The following ATF7 variants were observed in gnomAD, a reference collection of about 807,000 sequenced individuals.
The protein encoded by ATF7 is cyclic AMP-dependent transcription factor ATF-7.
A neutral mutation model predicts 50.4 loss-of-function variants in ATF7; 10 were observed. The ratio of observed to expected loss-of-function variants is 0.20; its 90% CI spans 0.12 to 0.34. The LOEUF is 0.34. ATF7 is among the 10% of genes least tolerant of loss of function. The pLI is 1.00. For synonymous variants in ATF7, 201 were observed against 226.4 expected, an observed-to-expected ratio of 0.89 and a Z score of 1.01; for missense variants, 465 against 613.9, an observed-to-expected ratio of 0.76 and a Z score of 2.56.
chr12:53,620,309 G>C (rs1300306913), intron 1 of ATF7, among the ~76,000 whole-genome samples: 4 of 152,048 alleles, frequency 2.6e-5, no homozygotes, highest in Non-Finnish European at 5.9e-5. Flanking sequence ...GGGCGCGGTG[G>C]CTCACGCCTG....
At chr12:53,613,622 G>A (rs1207980300) in intron 1 of ATF7, among the ~76,000 whole-genome samples, 1 of 152,062 alleles carries the variant, frequency 6.6e-6, no homozygotes, top group Non-Finnish European at 1.5e-5. Flanking sequence ...CCTGGCTCAA[G>A]TGATCCTCCT....
In ATF7 at chr12:53,543,068, C is replaced by T. The variant is rs1193713723; in HGVS notation, c.264+262G>A. 3 of 1,323,518 alleles carry T rather than the reference C, an allele frequency of 2.3e-6. No individual in the cohort carries two copies. The African/African-American group carries it at 4.5e-5, about 20-fold the overall frequency. 82.0% of individuals were successfully genotyped at this position (1,323,518 alleles called of 1,614,324 possible). ...TATAATATAAATATTTTTTAAAAAACCGATTATTAAACTAATACTCCCCTG... is the reference window on the plus strand; with the variant it reads ...TATAATATAAATATTTTTTAAAAAATCGATTATTAAACTAATACTCCCCTG... On this transcript the variant is annotated intron_variant, in intron 4 of 11. Coordinates refer to ENST00000420353, the MANE Select transcript of ATF7 (RefSeq NM_006856.3).
At chr12:53,595,931 C>G (rs1219614005) in intron 2 of ATF7, among the ~76,000 whole-genome samples, 1 of 151,852 alleles carries the variant, frequency 6.6e-6, no homozygotes, top group Non-Finnish European at 1.5e-5. Flanking sequence ...GTAGATCTCT[C>G]CAGGCAAAAA....
At chr12:53,532,908 A>G (rs532051729) in intron 7 of ATF7, among the ~76,000 whole-genome samples, 31 of 152,302 alleles carry the variant, frequency 2.0e-4, no homozygotes, top group African/African-American at 6.3e-4. Flanking sequence ...GTGCCAAGTG[A>G]AAGCAACTAA....
chr12:53,594,819 T>C (rs1270113192), intron 2 of ATF7, among the ~76,000 whole-genome samples: 1 of 144,326 alleles, frequency 6.9e-6, no homozygotes, highest in Non-Finnish European at 1.5e-5. Flanking sequence ...ACCTGGGAGG[T>C]AGAGGTTGCA....
intron 1 of ATF7, among the ~76,000 whole-genome samples, chr12:53,601,741 G>T (rs1445605958): frequency 6.6e-6 from 1 of 152,170 alleles, no homozygotes; most frequent in Non-Finnish European, 1.5e-5. Context: ...GGGTTTACTG[G>T]GTGAACATGT....
chr12:53,612,951 C>A (rs1429847659), intron 1 of ATF7, among the ~76,000 whole-genome samples: 1 of 152,090 alleles, frequency 6.6e-6, no homozygotes, highest in Non-Finnish European at 1.5e-5. Context: ...TTGCAGTGAG[C>A]CAACCTCACA....
intron 2 of ATF7, among the ~76,000 whole-genome samples, chr12:53,562,142 T>A (rs1193769102): frequency 6.6e-6 from 1 of 152,192 alleles, no homozygotes; most frequent in East Asian, 1.9e-4. Flanking sequence ...AGCAGAGATA[T>A]TATTTGATAG....
chr12:53,545,235 G>T lies in ATF7; in HGVS notation c.146-1787C>A, dbSNP rs117088695. 6.0e-4 allele frequency among the ~76,000 whole-genome samples: 92 copies of T among 152,146 alleles called. No homozygotes were observed. In the East Asian group the frequency reaches 0.016, roughly 27 times the overall value. On this transcript the variant is annotated intron_variant, in intron 3 of 11. Coordinates refer to ENST00000420353, the MANE Select transcript of ATF7 (RefSeq NM_006856.3). ...GCAGGTGGCCTCTAACTTTCAAATG[G>T]CTCTGGTTTGTGAACAAACAGACTG...
At chr12:53,601,464 T>A (rs1442359857) in intron 1 of ATF7, among the ~76,000 whole-genome samples, 2 of 152,204 alleles carry the variant, frequency 1.3e-5, no homozygotes, top group African/African-American at 4.8e-5. Context: ...AGGGCCATAA[T>A]CTGGCTCCCT....
At chr12:53,523,100 T>G (rs150008836) in intron 11 of ATF7, 176 bp downstream of exon 11, 1 of 571,472 alleles carries the variant, frequency 1.7e-6, no homozygotes, top group African/African-American at 1.9e-5. Flanking sequence ...ATTAGCTCTA[T>G]ATCGTCTACA....
intron 1 of ATF7, among the ~76,000 whole-genome samples, chr12:53,622,673 C>T (rs1426420504): frequency 6.7e-6 from 1 of 149,250 alleles, no homozygotes; most frequent in Non-Finnish European, 1.5e-5. Context: ...AAAAAAATAG[C>T]TTAAAGAACT....
rs552618619 is a variant in ATF7, at chr12:53,565,654, G to A, written c.49-13017C>T. 2.6e-5 allele frequency among the ~76,000 whole-genome samples: 4 copies of A among 151,806 alleles called. No individual in the cohort carries two copies. In the East Asian group the frequency reaches 5.8e-4, roughly 22 times the overall value. On this transcript the variant is annotated intron_variant, in intron 2 of 11. Transcript: ENST00000420353. ...ATTACAGGTGTGTGCTACCACACCC[G>A]GATAATTTTTATAGTTTTAGTAGAG...
intron 2 of ATF7, among the ~76,000 whole-genome samples, chr12:53,573,004 C>T (rs920614740): frequency 6.7e-6 from 1 of 149,808 alleles, no homozygotes; most frequent in South Asian, 2.1e-4. Flanking sequence ...AGGCTGGTCT[C>T]GAACTCTTGG....
intron 2 of ATF7, 128 bp downstream of exon 2, chr12:53,600,825 C>T: frequency 1.1e-6 from 1 of 882,876 alleles, no homozygotes; most frequent in Non-Finnish European, 1.8e-6. Flanking sequence ...TTACACACTG[C>T]AAATCCTCTG....
intron 2 of ATF7, among the ~76,000 whole-genome samples, chr12:53,563,643 G>A (rs1565957034): frequency 6.6e-6 from 1 of 152,158 alleles, no homozygotes. Context: ...ACTACTAGAG[G>A]GTTAAAAACA....
intron 11 of ATF7, among the ~76,000 whole-genome samples, chr12:53,518,235 T>C (rs1224435125): frequency 6.6e-6 from 1 of 152,274 alleles, no homozygotes; most frequent in Admixed American, 6.5e-5. Context: ...TATCAAGCTA[T>C]AATTAAATGA....
chr12:53,527,444 T>C (rs1385406862), intron 9 of ATF7, among the ~76,000 whole-genome samples: 3 of 139,024 alleles, frequency 2.2e-5, no homozygotes, highest in Admixed American at 7.2e-5. Flanking sequence ...GACTGTCCCA[T>C]TGCACTCCAG....
At chr12:53,530,465 T>G (rs948146212) in intron 9 of ATF7, among the ~76,000 whole-genome samples, 2 of 152,214 alleles carry the variant, frequency 1.3e-5, no homozygotes, top group Admixed American at 6.5e-5. Context: ...GAGAAATGGG[T>G]AACTAAATGG....
Sources: gnomAD v4.1 joint callset for allele counts (sites outside exome capture counted in the v4.1 genomes callset) on GRCh38, gnomAD v4.1.1 for gene constraint, MANE v1.5 for transcripts, NCBI Gene and HGNC (gene_info 2026-07-23, HGNC 2026-07-21) for gene names.